Variants in KIAA1217 observed in about 807,000 individuals in gnomAD.
KIAA1217 encodes sickle tail protein homolog.
KIAA1217 carries 88 observed loss-of-function variants against 163.9 expected under a neutral mutation model. The ratio of observed to expected loss-of-function variants is 0.54; its 90% confidence interval spans 0.45 to 0.64. The LOEUF (loss-of-function observed/expected upper bound fraction) is 0.64, where lower values mean the gene tolerates loss of function less well. KIAA1217 is among the 30% of genes least tolerant of loss of function. KIAA1217 has a pLI of 0.00. For synonymous variants in KIAA1217, 903 were observed against 923.1 expected (o/e 0.98, Z 0.39); for missense variants, 2,372 against 2,475.0 (o/e 0.96, Z 0.88).
intron 3 of KIAA1217, among the ~76,000 whole-genome samples, chr10:24,381,811 G>A (rs1323819787): frequency 6.6e-6 from 1 of 152,160 alleles, no homozygotes; most frequent in African/African-American, 2.4e-5. Flanking sequence ...GTTTCCACCA[G>A]CCCTGCTGCA....
At chr10:24,219,359 G>A (rs537770630) in intron 1 of KIAA1217, among the ~76,000 whole-genome samples, 3 of 152,206 alleles carry the variant, frequency 2.0e-5, no homozygotes, top group Non-Finnish European at 4.4e-5. Flanking sequence ...CGATCCTCCC[G>A]CCTTAGCCTC....
intron 1 of KIAA1217, among the ~76,000 whole-genome samples, chr10:24,210,581 T>C (rs2130632235): frequency 6.6e-6 from 1 of 152,022 alleles, no homozygotes; most frequent in East Asian, 1.9e-4. Context: ...AGGGATCCAT[T>C]TAAGAAATGA....
chr10:24,269,359 C>T lies in KIAA1217; in HGVS notation c.354+49450C>T, dbSNP rs141341488. On this transcript the variant is annotated intron_variant, in intron 2 of 20. Transcript: ENST00000376454. ...GCAACAGAGCAAGATCCTTTCTCTA[C>T]AAAAAAGTAAAACATATGAGGCGGC... 7.1e-3 allele frequency among the ~76,000 whole-genome samples: 1,075 copies of T among 151,822 alleles called. 10 individuals carry two copies. The highest frequency in any genetic ancestry group is 0.025 in the African/African-American group (1,018 of 41,428).
intron 2 of KIAA1217, among the ~76,000 whole-genome samples, chr10:24,034,321 G>A (rs765170402): frequency 6.6e-6 from 1 of 152,082 alleles, no homozygotes; most frequent in East Asian, 1.9e-4. Flanking sequence ...CACTTTGGGA[G>A]CCCAAGGTGG....
chr10:24,443,310 A>G (rs572520244), intron 5 of KIAA1217, among the ~76,000 whole-genome samples: 1 of 152,300 alleles, frequency 6.6e-6, no homozygotes. Flanking sequence ...AGATTTCCCC[A>G]AGGCCACACA....
intron 2 of KIAA1217, among the ~76,000 whole-genome samples, chr10:24,029,898 T>C (rs1369010767): frequency 6.6e-6 from 1 of 151,984 alleles, no homozygotes; most frequent in African/African-American, 2.4e-5. Context: ...CAAGGGAACA[T>C]GGTGGATCTG....
Position 23,929,665 on chromosome 10 carries a change from G to C in KIAA1217, c.-320-77560G>C, listed in dbSNP as rs569281396. On this transcript the variant is annotated intron_variant, in intron 1 of 18. Transcript: ENST00000376462. ...ATTTCATTCTTTTTTTTGTGGCTGC[G>C]TAGTATCCATGAGGTATATTTTCTT... 3.3e-5 allele frequency among the ~76,000 whole-genome samples: 5 copies of C among 152,260 alleles called. No individual in the cohort carries two copies. In the East Asian group the frequency reaches 9.6e-4, roughly 29 times the overall value.
At chr10:24,085,832 G>A (rs958988326) in intron 2 of KIAA1217, among the ~76,000 whole-genome samples, 5 of 152,012 alleles carry the variant, frequency 3.3e-5, no homozygotes, top group Admixed American at 6.5e-5. Context: ...AATTAGCTGG[G>A]CATAACTGCA....
intron 2 of KIAA1217, among the ~76,000 whole-genome samples, chr10:24,079,430 C>T (rs185270709): frequency 2.0e-5 from 3 of 152,238 alleles, no homozygotes; most frequent in Non-Finnish European, 4.4e-5. Flanking sequence ...GGTACACTGT[C>T]TCTGTATAAG....
intron 2 of KIAA1217, among the ~76,000 whole-genome samples, chr10:24,291,158 C>T (rs1018793678): frequency 1.3e-5 from 2 of 152,212 alleles, no homozygotes; most frequent in Non-Finnish European, 2.9e-5. Context: ...CCCACGATAA[C>T]TTTTCTTCCC....
At position 24,209,347 on chromosome 10, in the gene KIAA1217, G is replaced by A. The variant is rs552871519; in HGVS notation, c.70+84G>A. 19 of 995,462 alleles carry A rather than the reference G, an allele frequency of 1.9e-5. No homozygotes were observed. The African/African-American group carries it at 3.5e-4, about 18-fold the overall frequency. 61.7% of individuals were successfully genotyped at this position (995,462 alleles called of 1,614,324 possible). On this transcript the variant is annotated intron_variant, in intron 1 of 20. Transcript: ENST00000376454. ...CTGCTTTTTATAAACTGCAGCTCTGGGACCCGGCAAAGGAAAAAAAAAAAA... is the reference window on the plus strand; with the variant it reads ...CTGCTTTTTATAAACTGCAGCTCTGAGACCCGGCAAAGGAAAAAAAAAAAA...
At chr10:23,698,259 A>G (rs1255248992) in intron 1 of KIAA1217, among the ~76,000 whole-genome samples, 1 of 152,220 alleles carries the variant, frequency 6.6e-6, no homozygotes, top group Non-Finnish European at 1.5e-5. Context: ...TCCATTATTG[A>G]GTATCTTGCA....
At chr10:23,999,010 A>C (rs534153208) in intron 1 of KIAA1217, among the ~76,000 whole-genome samples, 1 of 152,200 alleles carries the variant, frequency 6.6e-6, no homozygotes, top group African/African-American at 2.4e-5. Context: ...TATCATTGGG[A>C]TCGCTTTATA....
At chr10:23,930,415 T>G (rs1843210627) in intron 1 of KIAA1217, among the ~76,000 whole-genome samples, 6 of 152,186 alleles carry the variant, frequency 3.9e-5, no homozygotes. Flanking sequence ...AAAGTCCTCA[T>G]GAAGGGTGGT....
At chr10:24,282,692 G>A (rs2078082695) in intron 2 of KIAA1217, among the ~76,000 whole-genome samples, 1 of 151,544 alleles carries the variant, frequency 6.6e-6, no homozygotes, top group East Asian at 1.9e-4. Flanking sequence ...TTGTTGTTTT[G>A]TGGCTCTTCT....
At chr10:24,305,811 C>T (rs1328223832) in intron 2 of KIAA1217, among the ~76,000 whole-genome samples, 2 of 152,128 alleles carry the variant, frequency 1.3e-5, no homozygotes, top group Non-Finnish European at 2.9e-5. Flanking sequence ...AGGGGTCATC[C>T]ATTAAGCAGC....
intron 2 of KIAA1217, among the ~76,000 whole-genome samples, chr10:24,357,048 C>A (rs2049201655): frequency 2.0e-5 from 3 of 152,140 alleles, no homozygotes; most frequent in African/African-American, 4.8e-5. Flanking sequence ...AGACTCTCAG[C>A]CCAGTGCTCT....
chr10:23,789,948 CATGTATATAT>C lies in KIAA1217; in HGVS notation c.-321+94716_-321+94725del, dbSNP rs1564420982. Reference sequence around the variant, plus strand: ...ATGTATATATACACATATACATATACATGTATATATACACATATACATATACATATATACA... The same window carrying C: ...ATGTATATATACACATATACATATACACACATATACATATACATATATACA... On this transcript the variant is annotated intron_variant, in intron 1 of 18. Transcript: ENST00000376462. 1.8e-4 allele frequency among the ~76,000 whole-genome samples: 17 copies of C among 93,606 alleles called. 3 individuals carry two copies. Among genetic ancestry groups the C allele is most frequent in the Non-Finnish European group, 3.1e-4 (14 of 44,784 alleles). 61.4% of individuals were successfully genotyped at this position (93,606 alleles called of 152,430 possible). A position where few individuals can be genotyped will look rare whatever the true frequency, so the allele number is the denominator to read the frequency against.
intron 1 of KIAA1217, among the ~76,000 whole-genome samples, chr10:23,878,425 G>T (rs987827647): frequency 6.6e-6 from 1 of 151,876 alleles, no homozygotes; most frequent in Admixed American, 6.6e-5. Flanking sequence ...GGATATGGAA[G>T]ATTCAATCAT....
Sources: allele counts gnomAD v4.1 joint callset (sites outside exome capture counted in the v4.1 genomes callset), GRCh38; gene constraint gnomAD v4.1.1; transcripts MANE v1.5; gene names NCBI Gene and HGNC (gene_info 2026-07-23, HGNC 2026-07-21).